The following DNAH7 variants were observed in gnomAD, a reference collection of about 807,000 sequenced individuals.
DNAH7 encodes the protein axonemal beta dynein heavy chain 7.
In DNAH7, 397 loss-of-function variants were observed where a neutral mutation model predicts 444.6. The observed-to-expected ratio is 0.89, with a 90% CI of 0.82 to 0.97. DNAH7 has a LOEUF of 0.97. Among genes scored for constraint, DNAH7 ranks in the 50% least tolerant of loss-of-function variants. DNAH7 has a pLI of 0.00. For synonymous variants in DNAH7, 1,636 were observed against 1,624.4 expected (o/e 1.01, Z -0.17); for missense variants, 4,902 against 4,800.8 (o/e 1.02, Z -0.62).
At chr2:196,047,557 T>A in intron 4 of DNAH7, 58 bp from the exon 5 acceptor site, 2 of 1,337,648 alleles carry the variant, frequency 1.5e-6, no homozygotes, top group Non-Finnish European at 2.0e-6. Flanking sequence ...AGCTAAAGCA[T>A]TTCACATGCT....
chr2:195,764,817 G>A (rs554493516), intron 61 of DNAH7, among the ~76,000 whole-genome samples: 2 of 151,508 alleles, frequency 1.3e-5, no homozygotes, highest in South Asian at 4.2e-4. Flanking sequence ...ACCAAAAGCA[G>A]TCTATAGATT....
At chr2:195,976,060 C>A (rs1692165073) in intron 15 of DNAH7, among the ~76,000 whole-genome samples, 1 of 152,192 alleles carries the variant, frequency 6.6e-6, no homozygotes, top group African/African-American at 2.4e-5. Context: ...AGGACTCTGT[C>A]TTGCAGTTTA....
chr2:195,911,231 C>T (rs1687339709), intron 24 of DNAH7, among the ~76,000 whole-genome samples: 1 of 152,008 alleles, frequency 6.6e-6, no homozygotes, highest in Admixed American at 6.6e-5. Context: ...AAATATAAAG[C>T]AATAGACATC....
At chr2:195,986,317 A>C (rs1187301794) in intron 14 of DNAH7, among the ~76,000 whole-genome samples, 1 of 152,336 alleles carries the variant, frequency 6.6e-6, no homozygotes, top group African/African-American at 2.4e-5. Context: ...CGAAGTGGCT[A>C]GTCTTGTGCC....
chr2:196,008,589 T>C (rs1028527489), intron 10 of DNAH7, among the ~76,000 whole-genome samples: 4 of 152,228 alleles, frequency 2.6e-5, no homozygotes, highest in African/African-American at 4.8e-5. Flanking sequence ...TACTGAAGTA[T>C]CATTTGGCCA....
intron 61 of DNAH7, among the ~76,000 whole-genome samples, chr2:195,771,092 C>T (rs1319173558): frequency 2.6e-5 from 4 of 152,102 alleles, no homozygotes; most frequent in East Asian, 1.9e-4. Context: ...GAGGCCAAGG[C>T]GGGAGTATCA....
chr2:195,933,506 C>T (rs533323848), intron 21 of DNAH7, among the ~76,000 whole-genome samples: 4 of 152,186 alleles, frequency 2.6e-5, no homozygotes, highest in African/African-American at 9.6e-5. Context: ...ACCCAAATGT[C>T]CATCAGTGAT....
At position 195,806,811 on chromosome 2, in the gene DNAH7, G is replaced by T; in HGVS notation, c.10105C>A (p.Pro3369Thr). ...DSLEPHHEVF[P>T]EEWEDKANEF... ...TTTGCTTTATCTTCCCATTCTTCAG[G>T]GAAAACCTCATGGTGTGGTTCCTAA... Residue 3369 changes from proline (P) to threonine (T), a missense_variant, in exon 54 of 65, where the codon CCT becomes ACT. Coordinates refer to ENST00000312428, the MANE Select transcript of DNAH7 (RefSeq NM_018897.3). The T allele has an allele frequency of 1.2e-6, 2 of 1,613,016 alleles. No individual in the cohort carries two copies. Among genetic ancestry groups the T allele is most frequent in the African/African-American group, 1.3e-5 (1 of 74,928 alleles).
chr2:195,987,610 T>C (rs1693009065), intron 13 of DNAH7, among the ~76,000 whole-genome samples: 1 of 152,070 alleles, frequency 6.6e-6, no homozygotes, highest in Admixed American at 6.6e-5. Context: ...AACAGAACCA[T>C]ATTTTGGTGT....
intron 30 of DNAH7, 125 bp from the exon 31 acceptor site, chr2:195,891,929 C>G: frequency 1.4e-6 from 1 of 701,874 alleles, no homozygotes. Flanking sequence ...GTGAATTTGA[C>G]AAGGTCCCAG....
At position 195,906,917 on chromosome 2, in the gene DNAH7, A is replaced by G. The variant is rs1687062075; in HGVS notation, c.4197T>C (p.Thr1399=). Residue 1399 remains threonine (T), a synonymous_variant, in exon 26 of 65, where the codon ACT becomes ACC. Coordinates refer to ENST00000312428, the MANE Select transcript of DNAH7 (RefSeq NM_018897.3). ...AAACTAGTCCATTACCTCTTTGGAT[A>G]GTAAGGATTTGTTGAGCAACCACAG... is the stretch of plus-strand genomic sequence containing the variant. ...VLSVVAQQIL[T]IQRGINAGAD... The G allele has an allele frequency of 2.5e-6, 4 of 1,612,860 alleles. No individual in the cohort carries two copies. The East Asian group carries it at 8.9e-5, about 36-fold the overall frequency.
At chr2:195,984,573 A>G (rs971246006) in intron 15 of DNAH7, 59 bp downstream of exon 15, 109 of 1,473,918 alleles carry the variant, frequency 7.4e-5, no homozygotes, top group Non-Finnish European at 1.0e-4. Flanking sequence ...GTTACTCCGC[A>G]TTATTGTGTC....
chr2:195,749,099 T>G (rs2105896968), intron 63 of DNAH7, among the ~76,000 whole-genome samples: 1 of 151,974 alleles, frequency 6.6e-6, no homozygotes, highest in East Asian at 1.9e-4. Flanking sequence ...GACAAAGGGC[T>G]AATATCCAGA....
intron 2 of DNAH7, among the ~76,000 whole-genome samples, chr2:196,054,660 C>T (rs1005576275): frequency 7.9e-5 from 12 of 152,194 alleles, no homozygotes; most frequent in Admixed American, 3.9e-4. Context: ...TGTGTCCCAA[C>T]CCAAATCTCA....
chr2:195,756,319 T>C (rs1318053647), intron 61 of DNAH7, 34 bp from the exon 62 acceptor site: 2 of 1,553,882 alleles, frequency 1.3e-6, no homozygotes, highest in Admixed American at 1.9e-5. Context: ...AATATAATAG[T>C]ATAGATTATG....
In DNAH7 at chr2:195,799,438, C is replaced by T; in HGVS notation, c.10211G>A (p.Arg3404Lys). 6.2e-7 allele frequency: 1 copy of T among 1,602,960 alleles called. No homozygotes were observed. The highest frequency in any genetic ancestry group is 8.5e-7 in the Non-Finnish European group (1 of 1,175,386). Residue 3404 changes from arginine to lysine, a missense_variant, in exon 55 of 65, where the codon AGA (arginine) becomes AAA (lysine). By Grantham distance (26) the Arg-to-Lys change is conservative. Transcript: ENST00000312428. ...TGGTTCAATGAATGCACGTCCCAAT[C>T]TGTTGATTATAAATTCCTGCAACAT... ...IPMLQEFIIN[R>K]LGRAFIEPPP... is the part of the protein sequence containing the mutation.
intron 47 of DNAH7, among the ~76,000 whole-genome samples, chr2:195,841,171 GATA>G (rs1422364661): frequency 6.6e-6 from 1 of 151,654 alleles, no homozygotes; most frequent in Non-Finnish European, 1.5e-5. Flanking sequence ...TTTTAAAAAG[GATA>G]ATATTTTCAA....
intron 17 of DNAH7, among the ~76,000 whole-genome samples, chr2:195,964,649 G>A (rs777498588): frequency 1.4e-5 from 2 of 146,740 alleles, no homozygotes; most frequent in East Asian, 2.0e-4. Context: ...GGCGGATCAC[G>A]AGGTCAGGAG....
intron 12 of DNAH7, among the ~76,000 whole-genome samples, chr2:195,988,938 A>G (rs1693107816): frequency 6.6e-6 from 1 of 152,138 alleles, no homozygotes; most frequent in East Asian, 1.9e-4. Flanking sequence ...ATCATTCAGT[A>G]TTTGTCTTTC....
Sources: gnomAD v4.1 joint callset for allele counts (sites outside exome capture counted in the v4.1 genomes callset) on GRCh38, gnomAD v4.1.1 for gene constraint, MANE v1.5 for transcripts, NCBI Gene and HGNC (gene_info 2026-07-23, HGNC 2026-07-21) for gene names.